The following CDC42BPB variants were observed in gnomAD, a reference collection of about 807,000 sequenced individuals.
CDC42BPB encodes CDC42 binding protein kinase beta, also known as serine/threonine-protein kinase MRCK beta.
A neutral mutation model predicts 214.9 loss-of-function variants in CDC42BPB; 37 were observed. That is an observed-to-expected ratio of 0.17 (90% CI 0.13 to 0.23). CDC42BPB has a LOEUF of 0.23. CDC42BPB is among the 10% of genes least tolerant of loss of function. The pLI, the probability that CDC42BPB is intolerant of heterozygous loss-of-function variation, is 1.00. For missense variants in CDC42BPB, 1,694 were observed against 2,227.0 expected, an observed-to-expected ratio of 0.76 and a Z score of 4.82; for synonymous variants, 931 against 884.0, an observed-to-expected ratio of 1.05 and a Z score of -0.94.
chr14:103,014,805 G>A (rs1886362459), intron 1 of CDC42BPB, among the ~76,000 whole-genome samples: 1 of 152,022 alleles, frequency 6.6e-6, no homozygotes, highest in Non-Finnish European at 1.5e-5. Flanking sequence ...CCAGGCTGAA[G>A]AAAACCCTTG....
intron 12 of CDC42BPB, among the ~76,000 whole-genome samples, chr14:102,973,756 C>A (rs34410748): frequency 6.6e-6 from 1 of 152,174 alleles, no homozygotes; most frequent in East Asian, 1.9e-4. Context: ...AGGCTGATTG[C>A]GAGGTGGATA....
intron 21 of CDC42BPB, among the ~76,000 whole-genome samples, chr14:102,958,962 T>C (rs1239796932): frequency 1.4e-5 from 2 of 142,060 alleles, no homozygotes; most frequent in African/African-American, 5.2e-5. Context: ...CGTGAGCCAC[T>C]GCACCCATCC....
At chr14:102,974,269 GGTTT>G (rs1893629456) in intron 11 of CDC42BPB, 120 bp from the exon 12 acceptor site, 2 of 1,425,948 alleles carry the variant, frequency 1.4e-6, no homozygotes, top group Non-Finnish European at 9.2e-7. Context: ...TTCATTCAGA[GGTTT>G]TTTTACTTAC....
intron 20 of CDC42BPB, 195 bp from the exon 21 acceptor site, chr14:102,959,905 A>G (rs1480899439): frequency 2.1e-6 from 2 of 942,570 alleles, no homozygotes; most frequent in South Asian, 4.9e-5. Context: ...CAAAAAGTTC[A>G]CTTGAAAAAG....
intron 1 of CDC42BPB, chr14:103,041,679 C>G (rs895560270): frequency 3.6e-6 from 2 of 555,572 alleles, no homozygotes; most frequent in Non-Finnish European, 6.5e-6. Flanking sequence ...AGGTGCGCAC[C>G]GGCCGCAGCT....
At chr14:103,006,055 T>C (rs1173700066) in intron 3 of CDC42BPB, among the ~76,000 whole-genome samples, 1 of 150,240 alleles carries the variant, frequency 6.7e-6, no homozygotes, top group East Asian at 1.9e-4. Context: ...TGCAGCTGTG[T>C]CCCAGTTCTA....
chr14:102,942,071 T>C (rs1171803188), intron 30 of CDC42BPB, among the ~76,000 whole-genome samples: 3 of 152,190 alleles, frequency 2.0e-5, no homozygotes, highest in Admixed American at 1.3e-4. Context: ...CGTTACGCTT[T>C]GCAAAAATGT....
intron 5 of CDC42BPB, among the ~76,000 whole-genome samples, chr14:102,996,106 G>A (rs555527846): frequency 1.2e-3 from 184 of 152,328 alleles, no homozygotes; most frequent in African/African-American, 3.9e-3. Flanking sequence ...TTGGGAGGCC[G>A]AGGCGGGCGG....
chr14:102,973,954 G>GTCA (rs1421992845), intron 12 of CDC42BPB, 62 bp downstream of exon 12: 1 of 1,536,760 alleles, frequency 6.5e-7, no homozygotes, highest in East Asian at 2.3e-5. Context: ...CGGCATGAAC[G>GTCA]TGACCTTACA....
intron 1 of CDC42BPB, among the ~76,000 whole-genome samples, chr14:103,048,012 G>A (rs987689089): frequency 6.6e-6 from 1 of 151,828 alleles, no homozygotes; most frequent in Admixed American, 6.6e-5. Context: ...GAAAGACACA[G>A]AATCCAGAAA....
chr14:102,970,106 A>G lies in CDC42BPB; in HGVS notation c.1995+45T>C, dbSNP rs375019451. The G allele has an allele frequency of 6.2e-6, 9 of 1,456,892 alleles. No individual in the cohort carries two copies. The African/African-American group carries it at 7.0e-5, about 11-fold the overall frequency. The allele number at this position is 1,456,892 out of a possible 1,614,324, so 90.2% of individuals were successfully genotyped here. A position where few individuals can be genotyped will look rare whatever the true frequency, so the allele number is the denominator to read the frequency against. ...TCCATGTGGTGGCGTCAGCAAAGAT[A>G]AGCATCCCTCTCAGTTAAGGGCAGA... is the stretch of plus-strand genomic sequence containing the variant. On this transcript the variant is annotated intron_variant, in intron 14 of 36. Coordinates refer to ENST00000361246, the MANE Select transcript of CDC42BPB (RefSeq NM_006035.4).
At chr14:103,032,557 G>GA (rs372296517) in intron 1 of CDC42BPB, among the ~76,000 whole-genome samples, 42 of 128,446 alleles carry the variant, frequency 3.3e-4, no homozygotes, top group African/African-American at 1.2e-3. Context: ...AAAAAAAAAA[G>GA]GAGAGAGAAA....
At chr14:102,988,032 G>A (rs1229909569) in intron 5 of CDC42BPB, among the ~76,000 whole-genome samples, 1 of 152,008 alleles carries the variant, frequency 6.6e-6, no homozygotes, top group Non-Finnish European at 1.5e-5. Context: ...ACAAAAGCAT[G>A]CAGAAAAGAA....
At chr14:102,973,770 G>A (rs1893596505) in intron 12 of CDC42BPB, among the ~76,000 whole-genome samples, 1 of 152,220 alleles carries the variant, frequency 6.6e-6, no homozygotes, top group South Asian at 2.1e-4. Flanking sequence ...GTGGATAACC[G>A]CTGGGGGCAA....
chr14:103,003,044 G>A (rs992649313), intron 4 of CDC42BPB, among the ~76,000 whole-genome samples: 7 of 152,130 alleles, frequency 4.6e-5, no homozygotes, highest in Non-Finnish European at 1.0e-4. Context: ...GGACACGCAC[G>A]TTGGCTGCCA....
chr14:102,972,683 T>G, intron 12 of CDC42BPB, among the ~76,000 whole-genome samples: 1 of 82,418 alleles, frequency 1.2e-5, no homozygotes, highest in African/African-American at 4.9e-5. Context: ...AGCAAGACTC[T>G]GCCTCAAAAA....
intron 1 of CDC42BPB, among the ~76,000 whole-genome samples, chr14:103,016,656 A>C (rs2139657474): frequency 6.6e-6 from 1 of 152,236 alleles, no homozygotes; most frequent in East Asian, 1.9e-4. Context: ...TCACTGTCCA[A>C]GTGAGGAGTT....
Position 102,980,790 on chromosome 14 carries a change from C to A in CDC42BPB, c.1123G>T (p.Asp375Tyr). ...ACACTCACCGTGTTTCTCAGCACGT[C>A]GTCATCCACGTCGAAGTTGGATGTG... is the stretch of plus-strand genomic sequence containing the variant. ...SDTSNFDVDD[D>Y]VLRNTEILPP... Residue 375 changes from aspartate to tyrosine, a missense_variant, in exon 8 of 37, where the codon GAC becomes TAC. Coordinates refer to ENST00000361246, the MANE Select transcript of CDC42BPB (RefSeq NM_006035.4). 6.2e-7 allele frequency: 1 copy of A among 1,614,108 alleles called. No individual in the cohort carries two copies. Among genetic ancestry groups the A allele is most frequent in the South Asian group, 1.1e-5 (1 of 91,066 alleles).
At chr14:102,982,943 G>T (rs1271536618) in intron 7 of CDC42BPB, among the ~76,000 whole-genome samples, 1 of 152,030 alleles carries the variant, frequency 6.6e-6, no homozygotes, top group East Asian at 1.9e-4. Context: ...AGACAGAAGA[G>T]AAAATGATAA....
Sources: allele counts gnomAD v4.1 joint callset (sites outside exome capture counted in the v4.1 genomes callset), GRCh38; gene constraint gnomAD v4.1.1; transcripts MANE v1.5; gene names NCBI Gene and HGNC (gene_info 2026-07-23, HGNC 2026-07-21).